The following NEB variants were observed in gnomAD, a reference collection of about 807,000 sequenced individuals.
The protein encoded by NEB is nebulin.
A neutral mutation model predicts 952.2 loss-of-function variants in NEB; 512 were observed. That is an observed-to-expected ratio of 0.54 (90% CI 0.50 to 0.58). The LOEUF is 0.58. Ranked by LOEUF, NEB falls within the 20% of genes least tolerant of loss-of-function variation. The pLI, the probability that NEB is intolerant of heterozygous loss-of-function variation, is 0.00. For synonymous variants in NEB, 2,900 were observed against 3,149.8 expected, an observed-to-expected ratio of 0.92 and a Z score of 2.66; for missense variants, 8,428 against 9,231.1, an observed-to-expected ratio of 0.91 and a Z score of 3.56.
At chr2:151,702,146 G>A (rs1400670990) in intron 13 of NEB, among the ~76,000 whole-genome samples, 3 of 146,884 alleles carry the variant, frequency 2.0e-5, no homozygotes, top group Non-Finnish European at 3.0e-5. Flanking sequence ...TCAGGAGCAG[G>A]TTGTTCAGTT....
Position 151,655,373 on chromosome 2 carries a change from T to C in NEB, c.6704A>G (p.His2235Arg). ...TTTATTCCAATCAATGGTGTATAAATGCTAGGAAGTGGGAAAAAAAGACAT... is the reference window on the plus strand; with the variant it reads ...TTTATTCCAATCAATGGTGTATAAACGCTAGGAAGTGGGAAAAAAAGACAT... Reference protein sequence around the residue: ...AKQNAHTMNKHLYTIDWNKDK... With the variant: ...AKQNAHTMNKRLYTIDWNKDK... The change falls in exon 51 of 182, where the codon CAT becomes CGT. Residue 2235 changes from histidine to arginine, a missense_variant and splice_region_variant. Physicochemically the swap from His to Arg is conservative, Grantham distance 29. This residue lies in a region of NEB where 2,851 missense variants were observed against 2,791.5 expected (regional missense o/e 1.02). Transcript: ENST00000397345. 1 of 1,529,872 alleles carries C rather than the reference T, an allele frequency of 6.5e-7. No individual in the cohort carries two copies. The highest frequency in any genetic ancestry group is 8.9e-7 in the Non-Finnish European group (1 of 1,123,462). The allele number at this position is 1,529,872 out of a possible 1,614,324, so 94.8% of individuals were successfully genotyped here.
At position 151,563,917 on chromosome 2, in the gene NEB, C is replaced by T; in HGVS notation, c.18485G>A (p.Gly6162Glu). ...ATAGGCCTTGGTGCCCTCCCACGCC[C>T]CTTTATACAGTATCTAGAACAAAGA... is the stretch of plus-strand genomic sequence containing the variant. ...GKLYSTILYKGAWEGTKAYGY... is the reference protein window; with the variant it reads ...GKLYSTILYKEAWEGTKAYGY... Residue 6162 changes from glycine to glutamate, a missense_variant, in exon 118 of 182, where the codon GGG becomes GAG. Coordinates refer to ENST00000397345, the MANE Select transcript of NEB (RefSeq NM_001164508.2). The T allele has an allele frequency of 6.2e-7, 1 of 1,607,488 alleles. No homozygotes were observed. Among genetic ancestry groups the T allele is most frequent in the Non-Finnish European group, 8.5e-7 (1 of 1,176,718 alleles).
At chr2:151,682,607 G>T in intron 29 of NEB, 55 bp downstream of exon 29, 1 of 1,403,510 alleles carries the variant, frequency 7.1e-7, no homozygotes, top group Non-Finnish European at 9.9e-7. Flanking sequence ...ATGCTTTTGA[G>T]AGCTTTAACA....
chr2:151,666,701 C>T (rs1298568662), intron 40 of NEB, among the ~76,000 whole-genome samples: 7 of 151,718 alleles, frequency 4.6e-5, no homozygotes, highest in Middle Eastern at 3.2e-3. Flanking sequence ...ATTTGATGTA[C>T]GCTTTTTTTG....
At chr2:151,491,875 C>T in intron 178 of NEB, 100 bp from the exon 179 acceptor site, 1 of 1,058,150 alleles carries the variant, frequency 9.5e-7, no homozygotes, top group Non-Finnish European at 1.4e-6. Context: ...GATTGAATCA[C>T]ACTTATTCCA....
At chr2:151,576,671 A>G (rs2096876378) in intron 105 of NEB, among the ~76,000 whole-genome samples, 1 of 150,680 alleles carries the variant, frequency 6.6e-6, no homozygotes, top group Admixed American at 6.6e-5. Context: ...AGTTGAGACT[A>G]CAGGCACGTG....
chr2:151,646,688 T>C (rs1026095878), intron 54 of NEB, among the ~76,000 whole-genome samples: 9 of 152,210 alleles, frequency 5.9e-5, no homozygotes, highest in Admixed American at 3.9e-4. Context: ...CTTACACTGC[T>C]GCCCAGGCTG....
chr2:151,694,740 T>G, intron 18 of NEB, 111 bp from the exon 19 acceptor site: 1 of 787,450 alleles, frequency 1.3e-6, no homozygotes, highest in Non-Finnish European at 2.1e-6. Context: ...AAATGGGCCC[T>G]TTTTATTGTC....
intron 124 of NEB, among the ~76,000 whole-genome samples, chr2:151,556,675 A>AT: frequency 6.6e-6 from 1 of 152,298 alleles, no homozygotes; most frequent in East Asian, 1.9e-4. Context: ...TCCTAAATAT[A>AT]TACACACCCA....
chr2:151,578,669 G>A (rs915000879), intron 105 of NEB, among the ~76,000 whole-genome samples: 2 of 148,664 alleles, frequency 1.3e-5, no homozygotes, highest in African/African-American at 5.0e-5. Context: ...GAGACAAGGA[G>A]GGAAGGAGGG....
chr2:151,619,059 T>G (rs555111768), intron 73 of NEB, among the ~76,000 whole-genome samples: 4 of 152,318 alleles, frequency 2.6e-5, no homozygotes, highest in African/African-American at 9.6e-5. Context: ...AAAATGTAAA[T>G]TAAAGTAATT....
At chr2:151,700,544 C>A in intron 13 of NEB, among the ~76,000 whole-genome samples, 1 of 32,016 alleles carries the variant, frequency 3.1e-5, no homozygotes, top group Non-Finnish European at 7.1e-5. Flanking sequence ...TTTCCTTGAG[C>A]AGTGGTTTGT....
At position 151,656,316 on chromosome 2, in the gene NEB, G is replaced by T; in HGVS notation, c.6332C>A (p.Thr2111Asn). The stretch of plus-strand genomic sequence containing the variant: ...CATGTCGGCAGGGGTGTGGTAGCTG[G>T]TCTTTGTGTTCTCATAGTTTTTCTT... The part of the protein sequence containing the change: ...EYKKNYENTK[T>N]SYHTPADMLS... The change falls in exon 49 of 182, where the codon ACC becomes AAC. Residue 2111 changes from threonine to asparagine, a missense_variant. Physicochemically the swap from Thr to Asn is moderately conservative, Grantham distance 65. Transcript: ENST00000397345. The T allele has an allele frequency of 6.2e-7, 1 of 1,613,672 alleles. No homozygotes were observed.
At chr2:151,624,515 A>G (rs766392428) in intron 71 of NEB, among the ~76,000 whole-genome samples, 4 of 152,174 alleles carry the variant, frequency 2.6e-5, no homozygotes, top group Non-Finnish European at 4.4e-5. Context: ...GACTGAAGCC[A>G]AGGCCAATCA....
chr2:151,684,829 AG>A lies in NEB; in HGVS notation c.2783del (p.Pro928LeufsTer29), dbSNP rs751346602. The A allele has an allele frequency of 6.2e-7, 1 of 1,613,272 alleles. No individual in the cohort carries two copies. Among genetic ancestry groups the A allele is most frequent in the Non-Finnish European group, 8.5e-7 (1 of 1,179,564 alleles). ...TGGCAAGGTCCACATTGATGCTATCAGGGGGGTAGCTGTAACTGTGTAAGAT... is the reference window on the plus strand; with the variant it reads ...TGGCAAGGTCCACATTGATGCTATCAGGGGGTAGCTGTAACTGTGTAAGAT... The part of the protein sequence containing the change: ...KHILHSYSYP[P>X]DSINVDLAKK... On this transcript the variant is annotated frameshift_variant, in exon 28 of 182. Transcript: ENST00000397345. LOFTEE classifies it high-confidence loss of function.
At chr2:151,712,917 CT>C (rs2099749254) in intron 10 of NEB, among the ~76,000 whole-genome samples, 1 of 151,812 alleles carries the variant, frequency 6.6e-6, no homozygotes, top group South Asian at 2.1e-4. Context: ...GGAAACCTTT[CT>C]CTCCAAACTC....
chr2:151,675,367 C>T lies in NEB; in HGVS notation c.3799G>A (p.Asp1267Asn). ...CTCATGGTGTATTTATGTTTCACAT[C>T]TTCTCCTTTAGCCTTGTATAAGATC... ...SDILYKAKGEDVKHKYTMSPD... is the reference protein window; with the variant it reads ...SDILYKAKGENVKHKYTMSPD... Residue 1267 changes from aspartate (D) to asparagine (N), a missense_variant, in exon 35 of 182, where the codon GAT becomes AAT. Physicochemically the swap from Asp to Asn is conservative, Grantham distance 23. Around this residue, in one of 11 missense-constraint regions of NEB, gnomAD observed 2,851 missense variants for 2,791.5 expected, o/e 1.02. Coordinates refer to ENST00000397345, the MANE Select transcript of NEB (RefSeq NM_001164508.2). The T allele has an allele frequency of 1.9e-6, 3 of 1,582,764 alleles. No homozygotes were observed. The highest frequency in any genetic ancestry group is 2.6e-6 in the Non-Finnish European group (3 of 1,161,730).
At chr2:151,613,950 G>T (rs1385166719) in intron 77 of NEB, among the ~76,000 whole-genome samples, 1 of 152,182 alleles carries the variant, frequency 6.6e-6, no homozygotes, top group Admixed American at 6.5e-5. Flanking sequence ...AGCACTGTGA[G>T]AACAGACTAG....
chr2:151,504,754 A>G (rs755139831), intron 165 of NEB, among the ~76,000 whole-genome samples: 2 of 152,214 alleles, frequency 1.3e-5, no homozygotes, highest in Non-Finnish European at 2.9e-5. Context: ...GGGTGGGTGC[A>G]GAGCCAGGGC....
Sources: gnomAD v4.1 joint callset for allele counts (sites outside exome capture counted in the v4.1 genomes callset) on GRCh38, gnomAD v4.1.1 for gene constraint, gnomAD v4.1.1 regional missense constraint, MANE v1.5 for transcripts, NCBI Gene and HGNC (gene_info 2026-07-23, HGNC 2026-07-21) for gene names.